TMEM131: variants seen among roughly 807,000 people sequenced by gnomAD.
The protein encoded by TMEM131 is 2610524E03Rik.
A neutral mutation model predicts 211.6 loss-of-function variants in TMEM131; 66 were observed. The observed-to-expected ratio is 0.31, with a 90% confidence interval of 0.26 to 0.38. The LOEUF is 0.38. Ranked by LOEUF, TMEM131 falls within the 10% of genes least tolerant of loss-of-function variation. The pLI, the probability that TMEM131 is intolerant of heterozygous loss-of-function variation, is 1.00. For synonymous variants in TMEM131, 844 were observed against 841.3 expected (o/e 1.00, Z -0.06); for missense variants, 2,036 against 2,299.3 (o/e 0.89, Z 2.34).
intron 19 of TMEM131, among the ~76,000 whole-genome samples, chr2:97,807,332 CAG>C (rs1681353431): frequency 6.6e-6 from 1 of 152,194 alleles, no homozygotes; most frequent in African/African-American, 2.4e-5. Flanking sequence ...GTCTGGGCCA[CAG>C]GGGTGGATCC....
chr2:97,762,042 A>T lies in TMEM131; in HGVS notation c.4882T>A (p.Ser1628Thr), dbSNP rs1355178413. ...GSYSSIVNSS[S>T]SSDPKIKQPN... Reference sequence around the variant, plus strand: ...AGGAAGCAGCAGGCCTACCTGCTGGAGCTGCTGTTGACGATGCTGCTGTAG... The same window carrying T: ...AGGAAGCAGCAGGCCTACCTGCTGGTGCTGCTGTTGACGATGCTGCTGTAG... Residue 1628 changes from serine (S) to threonine (T), a missense_variant, in exon 36 of 41, where the codon TCC (serine) becomes ACC (threonine). This residue lies in a region of TMEM131 where 1,623 missense variants were observed against 1,805.9 expected (regional missense o/e 0.90). Coordinates refer to ENST00000186436, the MANE Select transcript of TMEM131 (RefSeq NM_015348.2). The T allele has an allele frequency of 1.9e-6, 3 of 1,565,388 alleles. No individual in the cohort carries two copies. Among genetic ancestry groups the T allele is most frequent in the Admixed American group, 2.1e-5 (1 of 48,166 alleles).
At chr2:97,955,773 C>T (rs1251063293) in intron 1 of TMEM131, among the ~76,000 whole-genome samples, 1 of 152,022 alleles carries the variant, frequency 6.6e-6, no homozygotes, top group Non-Finnish European at 1.5e-5. Context: ...GAAATACTTG[C>T]AATCACTCCG....
chr2:97,816,446 AAAG>A (rs1448142087), intron 12 of TMEM131, among the ~76,000 whole-genome samples: 4 of 152,222 alleles, frequency 2.6e-5, no homozygotes, highest in Non-Finnish European at 5.9e-5. Flanking sequence ...CAAAGCAAAT[AAAG>A]AAGCTGTTTA....
chr2:97,865,292 T>C (rs993745337), intron 4 of TMEM131, among the ~76,000 whole-genome samples: 1 of 152,258 alleles, frequency 6.6e-6, no homozygotes, highest in African/African-American at 2.4e-5. Context: ...ATGTGGTCTA[T>C]TGCCATGGTC....
At chr2:97,944,583 TAC>T (rs1002272797) in intron 1 of TMEM131, among the ~76,000 whole-genome samples, 1 of 152,066 alleles carries the variant, frequency 6.6e-6, no homozygotes, top group African/African-American at 2.4e-5. Context: ...AAGAGATACA[TAC>T]AGAGAATATA....
rs149733693 is a variant in TMEM131 at position 97,808,983 on chromosome 2, C to T, written c.2055+705G>A. Among the ~76,000 whole-genome samples, 1,443 of 152,196 alleles carry T rather than the reference C, an allele frequency of 9.5e-3. 34 individuals are homozygous for T. The highest frequency in any genetic ancestry group is 7.7e-3 in the Non-Finnish European group (521 of 68,004). Reference sequence around the variant, plus strand: ...CTTTACTGCCTCAGCCACAGCCATGCGCTCAAACTCCCCTTGGCACTTTTC... The same window carrying T: ...CTTTACTGCCTCAGCCACAGCCATGTGCTCAAACTCCCCTTGGCACTTTTC... On this transcript the variant is annotated intron_variant, in intron 19 of 40. Coordinates refer to ENST00000186436, the MANE Select transcript of TMEM131 (RefSeq NM_015348.2).
chr2:97,772,961 T>A (rs1477048669), intron 32 of TMEM131, among the ~76,000 whole-genome samples: 1 of 152,250 alleles, frequency 6.6e-6, no homozygotes, highest in Admixed American at 6.5e-5. Flanking sequence ...AACGTCATTT[T>A]AATTTATACT....
In TMEM131 at chr2:97,756,361, A is replaced by C. The variant is rs1678479695; in HGVS notation, c.*738T>G. Reference sequence around the variant, plus strand: ...TTTTGAAAAAAGCATCATTTATTTCAAAGTACAACACAAAGTTGTATTTTT... The same window carrying C: ...TTTTGAAAAAAGCATCATTTATTTCCAAGTACAACACAAAGTTGTATTTTT... On this transcript the variant is annotated 3_prime_UTR_variant, in exon 41 of 41. Transcript: ENST00000186436. 3 of 152,268 alleles carry C rather than the reference A, an allele frequency of 2.0e-5. 1 individual carries two copies. In the South Asian group the frequency reaches 6.2e-4, roughly 31 times the overall value. The allele number at this position is 152,268 out of a possible 1,614,324, so 9.4% of individuals were successfully genotyped here.
At chr2:97,866,704 G>A (rs929831563) in intron 4 of TMEM131, among the ~76,000 whole-genome samples, 8 of 152,076 alleles carry the variant, frequency 5.3e-5, no homozygotes, top group Admixed American at 2.0e-4. Context: ...TGTTCATCTC[G>A]AAGTATTTTC....
chr2:97,938,244 A>G (rs1391947056), intron 1 of TMEM131, among the ~76,000 whole-genome samples: 1 of 152,190 alleles, frequency 6.6e-6, no homozygotes, highest in Admixed American at 6.5e-5. Flanking sequence ...AAATTGGATA[A>G]AGAGTCAAGA....
chr2:97,903,286 G>A (rs192468753), intron 3 of TMEM131, among the ~76,000 whole-genome samples: 5 of 152,090 alleles, frequency 3.3e-5, no homozygotes, highest in Non-Finnish European at 5.9e-5. Context: ...AAGCACGTGC[G>A]ATTTTTTTAT....
chr2:97,935,835 A>AT (rs1380214915), intron 1 of TMEM131, among the ~76,000 whole-genome samples: 109 of 152,244 alleles, frequency 7.2e-4, no homozygotes, highest in African/African-American at 2.5e-3. Context: ...GAATGTTAAT[A>AT]CATTTTTAAA....
At chr2:97,877,262 T>C (rs767479617) in intron 4 of TMEM131, among the ~76,000 whole-genome samples, 37 of 152,148 alleles carry the variant, frequency 2.4e-4, no homozygotes, top group Non-Finnish European at 4.9e-4. Flanking sequence ...ATCAATATCA[T>C]GAAAATGGCC....
intron 31 of TMEM131, among the ~76,000 whole-genome samples, chr2:97,787,847 A>G (rs1680323903): frequency 6.6e-6 from 1 of 152,066 alleles, no homozygotes; most frequent in South Asian, 2.1e-4. Context: ...GCACCTACGA[A>G]CCTGGTATTG....
rs368663461 is a variant in TMEM131, at chr2:97,772,380, A to G, written c.4365T>C (p.His1455=). The change falls in exon 33 of 41, where the codon CAT becomes CAC. Residue 1455 remains histidine (H), a synonymous_variant. Coordinates refer to ENST00000186436, the MANE Select transcript of TMEM131 (RefSeq NM_015348.2). ...QKGKQAMPEK[H]ESEMSQVKQK... ...GCTTCACTTGAGACATTTCACTTTC[A>G]TGTTTTTCAGGCATGGCTTGTTTTC... 9.3e-6 allele frequency: 15 copies of G among 1,609,548 alleles called. No individual in the cohort carries two copies. Among genetic ancestry groups the G allele is most frequent in the Non-Finnish European group, 1.3e-5 (15 of 1,178,920 alleles).
intron 1 of TMEM131, among the ~76,000 whole-genome samples, chr2:97,991,867 G>A (rs1406983490): frequency 6.6e-6 from 1 of 152,190 alleles, no homozygotes; most frequent in Non-Finnish European, 1.5e-5. Context: ...ACAATTAGAT[G>A]AGTTTACATC....
intron 1 of TMEM131, among the ~76,000 whole-genome samples, chr2:97,944,708 C>T (rs979347876): frequency 1.3e-5 from 2 of 152,194 alleles, no homozygotes; most frequent in East Asian, 1.9e-4. Context: ...CATACATACA[C>T]GAAAAGACGC....
chr2:97,779,702 A>C (rs1172448635), intron 31 of TMEM131, among the ~76,000 whole-genome samples: 1 of 152,224 alleles, frequency 6.6e-6, no homozygotes, highest in Non-Finnish European at 1.5e-5. Flanking sequence ...TCCAGGTGAC[A>C]GTAATAATGT....
chr2:97,957,921 ACAC>A (rs1678645362), intron 1 of TMEM131, among the ~76,000 whole-genome samples: 1 of 152,228 alleles, frequency 6.6e-6, no homozygotes, highest in Non-Finnish European at 1.5e-5. Context: ...AGGAACTCAT[ACAC>A]TGAGATGAGA....
Sources: allele counts gnomAD v4.1 joint callset (sites outside exome capture counted in the v4.1 genomes callset), GRCh38; gene constraint gnomAD v4.1.1; regional missense constraint gnomAD v4.1.1; transcripts MANE v1.5; gene names NCBI Gene and HGNC (gene_info 2026-07-23, HGNC 2026-07-21).